FBLN1: variants seen among roughly 807,000 people sequenced by gnomAD.
FBLN1 encodes the protein fibulin-1.
FBLN1 carries 34 observed loss-of-function variants against 89.7 expected under a neutral mutation model. The ratio of observed to expected loss-of-function variants is 0.38; its 90% CI spans 0.29 to 0.50. FBLN1 has a LOEUF of 0.50. FBLN1 is among the 20% of genes least tolerant of loss of function. The probability of loss-of-function intolerance (pLI) is 0.92; values close to 1 mark genes in which losing one functional copy is unlikely to be tolerated. For missense variants in FBLN1, 777 were observed against 988.1 expected (o/e 0.79, Z 2.86); for synonymous variants, 393 against 391.3 (o/e 1.00, Z -0.05).
chr22:45,505,756 A>ATATTAT (rs56256438), intron 1 of FBLN1, among the ~76,000 whole-genome samples: 1 of 151,996 alleles, frequency 6.6e-6, no homozygotes, highest in African/African-American at 2.4e-5. Flanking sequence ...CATGGCAGCT[A>ATATTAT]TATTATTATT....
chr22:45,537,909 G>A lies in FBLN1; in HGVS notation c.922+2572G>A, dbSNP rs552405032. 7.9e-5 allele frequency among the ~76,000 whole-genome samples: 12 copies of A among 152,220 alleles called. No individual in the cohort carries two copies. The highest frequency in any genetic ancestry group is 3.3e-4 in the Admixed American group (5 of 15,288). ...GCTCAGACTTGCAGCCTGCTCAAAG[G>A]GGGGTCCGGAGGAGGCTGGCGTCGA... On this transcript the variant is annotated intron_variant, in intron 8 of 16. Coordinates refer to ENST00000327858, the MANE Select transcript of FBLN1 (RefSeq NM_006486.3). This position sits in a 1 kb window ranked among gnomAD's most constrained non-coding sequence, Gnocchi z 5.7.
intron 2 of FBLN1, chr22:45,522,958 C>T (rs909404323): frequency 3.2e-5 from 16 of 494,298 alleles, no homozygotes; most frequent in African/African-American, 9.5e-5. Context: ...CTCGTGGAGG[C>T]GGCATTCTAT....
intron 1 of FBLN1, among the ~76,000 whole-genome samples, chr22:45,510,264 C>T (rs1347461609): frequency 6.6e-6 from 1 of 152,126 alleles, no homozygotes; most frequent in Non-Finnish European, 1.5e-5. Flanking sequence ...TGGAATCGGG[C>T]CGGCTTTGTA....
At chr22:45,540,150 T>A (rs2088536040) in intron 8 of FBLN1, among the ~76,000 whole-genome samples, 1 of 152,190 alleles carries the variant, frequency 6.6e-6, no homozygotes, top group African/African-American at 2.4e-5. Flanking sequence ...GCCACTGATT[T>A]AAGGGAGCTG....
At chr22:45,527,641 G>A (rs941049098) in intron 3 of FBLN1, among the ~76,000 whole-genome samples, 1 of 152,128 alleles carries the variant, frequency 6.6e-6, no homozygotes, top group African/African-American at 2.4e-5. Context: ...TTTCAAAACT[G>A]GGACCTAGAT....
At position 45,558,163 on chromosome 22, in the gene FBLN1, C is replaced by T. The variant is rs2088812160; in HGVS notation, c.1697+7548C>T. ...GTGGAGACCACGGGCATTTGAGCCA[C>T]TTCCTCATGTAACTTAACTTGTGCC... On this transcript the variant is annotated intron_variant, in intron 14 of 16. Coordinates refer to ENST00000327858, the MANE Select transcript of FBLN1 (RefSeq NM_006486.3). The T allele has an allele frequency of 4.2e-6, 3 of 709,742 alleles. No individual in the cohort carries two copies. The South Asian group carries it at 4.5e-5, about 11-fold the overall frequency. 44.0% of individuals were successfully genotyped at this position (709,742 alleles called of 1,614,324 possible).
At chr22:45,522,927 G>A (rs2088269610) in intron 2 of FBLN1, among the ~76,000 whole-genome samples, 1 of 152,176 alleles carries the variant, frequency 6.6e-6, no homozygotes, top group Non-Finnish European at 1.5e-5. Context: ...ATCGGTGAAC[G>A]AAATATGCAA....
In FBLN1 at chr22:45,532,362, G is replaced by T. The variant is rs922537747; in HGVS notation, c.545-701G>T. Among the ~76,000 whole-genome samples, 6 of 152,128 alleles carry T rather than the reference G, an allele frequency of 3.9e-5. No homozygotes were observed. Among genetic ancestry groups the T allele is most frequent in the African/African-American group, 1.4e-4 (6 of 41,408 alleles). ...AGACCTGAAGCCTTGTAAAGGGCACGGACCCACTGTAGCAGGGTACTGGGA... is the reference window on the plus strand; with the variant it reads ...AGACCTGAAGCCTTGTAAAGGGCACTGACCCACTGTAGCAGGGTACTGGGA... On this transcript the variant is annotated intron_variant, in intron 5 of 16. Coordinates refer to ENST00000327858, the MANE Select transcript of FBLN1 (RefSeq NM_006486.3). This position sits in a 1 kb window ranked among gnomAD's most constrained non-coding sequence, Gnocchi z 4.2.
In FBLN1 at chr22:45,506,387, T is replaced by G. The variant is rs1478281290; in HGVS notation, c.79+3323T>G. Among the ~76,000 whole-genome samples, 3 of 152,330 alleles carry G rather than the reference T, an allele frequency of 2.0e-5. No individual in the cohort carries two copies. In the East Asian group the frequency reaches 5.8e-4, roughly 29 times the overall value. On this transcript the variant is annotated intron_variant, in intron 1 of 16. Transcript: ENST00000327858. ...GTGGTGTTCTTAGCCATTCAGTCAT[T>G]CATTCACTAAGGGACAGCTCAGTGC...
rs2089033376 is a variant in FBLN1, at chr22:45,580,502, C to T, written c.1972+3394C>T. On this transcript the variant is annotated intron_variant, in intron 16 of 16. Transcript: ENST00000327858. This position sits in a 1 kb window ranked among gnomAD's most constrained non-coding sequence, Gnocchi z 8.6. The stretch of plus-strand genomic sequence containing the variant: ...AGTGAGCACCTGTGATGACCAGGAG[C>T]CAGGGTTTCATCATCGCCAGGACCC... 6.6e-6 allele frequency among the ~76,000 whole-genome samples: 1 copy of T among 152,166 alleles called. No individual in the cohort carries two copies. The highest frequency in any genetic ancestry group is 6.5e-5 in the Admixed American group (1 of 15,290).
rs1402727253 is a variant in FBLN1, at chr22:45,563,423, G to T, written c.1698-11088G>T. 5 of 1,487,706 alleles carry T rather than the reference G, an allele frequency of 3.4e-6. No homozygotes were observed. The highest frequency in any genetic ancestry group is 3.6e-6 in the Non-Finnish European group (4 of 1,115,966). The allele number at this position is 1,487,706 out of a possible 1,614,324, so 92.2% of individuals were successfully genotyped here. The stretch of plus-strand genomic sequence containing the variant: ...GAGTCTGTGCCGCTTGTTACCCGGG[G>T]GTGAGCTGGGCACTGGCCACCGCCT... On this transcript the variant is annotated intron_variant, in intron 14 of 16. Transcript: ENST00000327858. The surrounding 1 kb of genome is among the most constrained non-coding windows in gnomAD (Gnocchi z 5.7).
chr22:45,573,680 C>CAAAAA (rs60082908), intron 14 of FBLN1, among the ~76,000 whole-genome samples: 29,598 of 58,430 alleles, frequency 0.51, 8,237 homozygotes, highest in Non-Finnish European at 0.55. Flanking sequence ...GACTCTGTCT[C>CAAAAA]AAAAAAAAAA....
rs2088408275 is a variant in FBLN1 at position 45,531,538 on chromosome 22, A to T, written c.544+214A>T. ...CCGTCTCAAAAACAAAAAAACAAAC[A>T]AACAAAAAGCAAAACCAAGGAATCT... On this transcript the variant is annotated intron_variant, in intron 5 of 16. Transcript: ENST00000327858. This position sits in a 1 kb window ranked among gnomAD's most constrained non-coding sequence, Gnocchi z 4.9. Among the ~76,000 whole-genome samples the T allele has an allele frequency of 6.6e-6, 1 of 152,120 alleles. No individual in the cohort carries two copies. The highest frequency in any genetic ancestry group is 1.5e-5 in the Non-Finnish European group (1 of 68,018).
In FBLN1 at chr22:45,590,634, G is replaced by C. The variant is rs77622670; in HGVS notation, c.1973-9673G>C. ...GTACACGTGTTCAGGTAGATGCGAC[G>C]AGGCCGGAACTGAGGCCAGGTGGGG... On this transcript the variant is annotated intron_variant, in intron 16 of 16. Transcript: ENST00000327858. This position sits in a 1 kb window ranked among gnomAD's most constrained non-coding sequence, Gnocchi z 4.1. Among the ~76,000 whole-genome samples the C allele has an allele frequency of 1.3e-5, 2 of 152,302 alleles. No homozygotes were observed. The highest frequency in any genetic ancestry group is 2.9e-5 in the Non-Finnish European group (2 of 68,030).
At chr22:45,594,120 T>G (rs2089162826) in intron 16 of FBLN1, among the ~76,000 whole-genome samples, 1 of 150,788 alleles carries the variant, frequency 6.6e-6, no homozygotes, top group South Asian at 2.1e-4. Flanking sequence ...ATCAAGTGGA[T>G]GGATGGAACC....
intron 2 of FBLN1, among the ~76,000 whole-genome samples, chr22:45,522,797 C>G (rs893416276): frequency 6.6e-6 from 1 of 152,200 alleles, no homozygotes; most frequent in Admixed American, 6.5e-5. Flanking sequence ...TCCAGTGAAA[C>G]CTAAAGCAAG....
At chr22:45,565,249 C>T (rs1449791818) in intron 14 of FBLN1, 9 of 1,390,074 alleles carry the variant, frequency 6.5e-6, no homozygotes, top group African/African-American at 1.4e-5. Context: ...CCATGGTTGT[C>T]TTTTCCCAGC....
Position 45,537,125 on chromosome 22 carries a change from A to T in FBLN1, c.922+1788A>T, listed in dbSNP as rs895315095. On this transcript the variant is annotated intron_variant, in intron 8 of 16. Coordinates refer to ENST00000327858, the MANE Select transcript of FBLN1 (RefSeq NM_006486.3). This position sits in a 1 kb window ranked among gnomAD's most constrained non-coding sequence, Gnocchi z 5.7. ...AAGAGGTGAGGAATCCGAGCTACAG[A>T]TCACACTAGTCAGAACCTCCCCACC... Among the ~76,000 whole-genome samples, 14 of 152,190 alleles carry T rather than the reference A, an allele frequency of 9.2e-5. No individual in the cohort carries two copies. The highest frequency in any genetic ancestry group is 1.2e-4 in the African/African-American group (5 of 41,444).
chr22:45,562,104 C>T lies in FBLN1; in HGVS notation c.1697+11489C>T, dbSNP rs768675298. 5.3e-5 allele frequency among the ~76,000 whole-genome samples: 8 copies of T among 152,208 alleles called. No homozygotes were observed. Among genetic ancestry groups the T allele is most frequent in the Non-Finnish European group, 1.0e-4 (7 of 68,040 alleles). ...GTATCCTTCAATCCAATCAAGTTGA[C>T]ACTATTAACCATCACAGGACCTGTC... On this transcript the variant is annotated intron_variant, in intron 14 of 16. Transcript: ENST00000327858. This position sits in a 1 kb window ranked among gnomAD's most constrained non-coding sequence, Gnocchi z 7.8.
Sources: allele counts gnomAD v4.1 joint callset (sites outside exome capture counted in the v4.1 genomes callset), GRCh38; gene constraint gnomAD v4.1.1; non-coding constraint Gnocchi (gnomAD v3.1); transcripts MANE v1.5; gene names NCBI Gene and HGNC (gene_info 2026-07-23, HGNC 2026-07-21).